SMIM7: variants seen among roughly 807,000 people sequenced by gnomAD.
SMIM7 encodes UPF0608 protein C19orf42.
SMIM7 carries 12 observed loss-of-function variants against 13.3 expected under a neutral mutation model. The ratio of observed to expected loss-of-function variants is 0.90; its 90% CI spans 0.58 to 1.46. SMIM7 has a LOEUF of 1.46. SMIM7 is among the 40% of genes most tolerant of loss of function. The pLI is 0.00. For synonymous variants in SMIM7, 36 were observed against 35.8 expected (o/e 1.01, Z -0.02); for missense variants, 114 against 94.8 (o/e 1.20, Z -0.84).
rs2086458757 is a variant in SMIM7, at chr19:16,647,122, C to T, written c.*124G>A. 9.2e-6 allele frequency: 12 copies of T among 1,304,034 alleles called. No homozygotes were observed. Among genetic ancestry groups the T allele is most frequent in the African/African-American group, 2.9e-5 (2 of 68,946 alleles). 80.8% of individuals were successfully genotyped at this position (1,304,034 alleles called of 1,614,324 possible). Reference sequence around the variant, plus strand: ...TCGGCGAACACTTTTCCACCCACCACGAGCTTGGACTTTCTGGGAAGGTTG... The same window carrying T: ...TCGGCGAACACTTTTCCACCCACCATGAGCTTGGACTTTCTGGGAAGGTTG... On this transcript the variant is annotated 3_prime_UTR_variant, in exon 5 of 5. Transcript: ENST00000487416.
downstream of SMIM7, chr19:16,640,857 C>G (rs1195152302): frequency 2.6e-5 from 4 of 152,048 alleles, no homozygotes; most frequent in Admixed American, 2.0e-4. Context: ...CGCTTGAACC[C>G]GGGAGGCGGA....
chr19:16,652,417 G>T, intron 4 of SMIM7: 1 of 423,632 alleles, frequency 2.4e-6, no homozygotes, highest in Non-Finnish European at 3.2e-6. Context: ...GCCCAGGCTG[G>T]TCTTGAACTC....
At chr19:16,649,848 CTGAG>C (rs1037755468) in intron 4 of SMIM7, among the ~76,000 whole-genome samples, 1 of 152,076 alleles carries the variant, frequency 6.6e-6, no homozygotes, top group Non-Finnish European at 1.5e-5. Context: ...AAACATGATG[CTGAG>C]TGAGAGGAGC....
chr19:16,631,600 T>C (rs2086321743), exon 5 of SMIM7: 1 of 152,086 alleles, frequency 6.6e-6, no homozygotes, highest in Non-Finnish European at 1.5e-5. Context: ...TCAAGAGCAC[T>C]GCAGAGGAAG....
At chr19:16,657,217 G>C (rs1244488016) in intron 3 of SMIM7, among the ~76,000 whole-genome samples, 1 of 152,216 alleles carries the variant, frequency 6.6e-6, no homozygotes, top group Non-Finnish European at 1.5e-5. Flanking sequence ...AGCTCCCACA[G>C]GGGAAGCAGC....
Position 16,660,111 on chromosome 19 carries a change from C to A in SMIM7, c.-1G>T. Reference sequence around the variant, plus strand: ...CGAACAGCAGGATGTCTCCGATCATCGTTACGGCCGAAGCGTCCGTCAGAA... The same window carrying A: ...CGAACAGCAGGATGTCTCCGATCATAGTTACGGCCGAAGCGTCCGTCAGAA... On this transcript the variant is annotated 5_prime_UTR_variant, in exon 1 of 5. Transcript: ENST00000487416. The A allele has an allele frequency of 6.2e-7, 1 of 1,614,166 alleles. No individual in the cohort carries two copies. Among genetic ancestry groups the A allele is most frequent in the East Asian group, 2.2e-5 (1 of 44,880 alleles).
At chr19:16,659,908 G>T in intron 2 of SMIM7, 51 bp downstream of exon 2, 1 of 1,573,162 alleles carries the variant, frequency 6.4e-7, no homozygotes, top group Non-Finnish European at 8.6e-7. Flanking sequence ...TTATGAGGGC[G>T]GGGCTACGGG....
At position 16,647,191 on chromosome 19, in the gene SMIM7, AG is replaced by A. The variant is rs552451604; in HGVS notation, c.*54del. 515 of 1,611,016 alleles carry A rather than the reference AG, an allele frequency of 3.2e-4. 11 individuals are homozygous for A. The South Asian group carries it at 5.5e-3, about 17-fold the overall frequency. ...ACATTCTTGAAGTCATCAGGAATGGAGGAATGGAGACTCGGCATCCCGGGAA... is the reference window on the plus strand; with the variant it reads ...ACATTCTTGAAGTCATCAGGAATGGAGAATGGAGACTCGGCATCCCGGGAA... On this transcript the variant is annotated 3_prime_UTR_variant, in exon 5 of 5. Coordinates refer to ENST00000487416, the MANE Select transcript of SMIM7 (RefSeq NM_024104.4).
chr19:16,632,014 C>T lies in SMIM7; in HGVS notation c.*138-290G>A, dbSNP rs571798421. ...CCTCCCGAGTAGCTGGGACTACAGG[C>T]GGGTGCCACCACACCCAGCTAATTT... On this transcript the variant is annotated intron_variant and NMD_transcript_variant, in intron 4 of 4. Transcript: ENST00000465250. Among the ~76,000 whole-genome samples the T allele has an allele frequency of 2.2e-4, 34 of 151,936 alleles. No individual in the cohort carries two copies. The East Asian group carries it at 5.6e-3, about 25-fold the overall frequency.
chr19:16,653,873 C>G, intron 4 of SMIM7, 162 bp downstream of exon 4: 1 of 642,202 alleles, frequency 1.6e-6, no homozygotes. Context: ...CCAGTTTAGG[C>G]GACAGAGCAA....
rs2086579327 is a variant in SMIM7, at chr19:16,655,092, A to G, written c.122-967T>C. ...ACCCTAATCTTGAAGGACTGGTTTG[A>G]CACCTAAACCCAGGGTGCCTGAAAA... On this transcript the variant is annotated intron_variant, in intron 3 of 4. Transcript: ENST00000487416. 9.1e-6 allele frequency: 3 copies of G among 330,538 alleles called. No individual in the cohort carries two copies. The East Asian group carries it at 2.3e-4, about 25-fold the overall frequency. The allele number at this position is 330,538 out of a possible 1,614,324, so 20.5% of individuals were successfully genotyped here.
At chr19:16,644,464 T>G (rs1244353508), downstream of SMIM7, among the ~76,000 whole-genome samples, 1 of 146,972 alleles carries the variant, frequency 6.8e-6, no homozygotes, top group Non-Finnish European at 1.5e-5. Context: ...AGACAGAAGA[T>G]CTTGCTCTGT....
chr19:16,654,216 C>A, intron 3 of SMIM7, 91 bp from the exon 4 acceptor site: 2 of 1,053,318 alleles, frequency 1.9e-6, no homozygotes, highest in East Asian at 2.4e-5. Context: ...TCCACCCACC[C>A]GGCGCTTGCT....
chr19:16,655,997 AG>A (rs1420229407), intron 3 of SMIM7, among the ~76,000 whole-genome samples: 1 of 152,234 alleles, frequency 6.6e-6, no homozygotes, highest in African/African-American at 2.4e-5. Context: ...GTCTGTTTCC[AG>A]GAAGTTTTGA....
At chr19:16,636,365 GA>G (rs1367736128) in intron 4 of SMIM7, 1 of 152,118 alleles carries the variant, frequency 6.6e-6, no homozygotes, top group African/African-American at 2.4e-5. Flanking sequence ...GAATTGTAAA[GA>G]ATAAATTTGT....
intron 4 of SMIM7, chr19:16,640,576 C>T (rs2086397314): frequency 6.6e-6 from 1 of 152,218 alleles, no homozygotes; most frequent in Non-Finnish European, 1.5e-5. Flanking sequence ...CAACATCGCA[C>T]TGCTGCTGTT....
chr19:16,644,118 GTTTTT>G (rs557600997), downstream of SMIM7, among the ~76,000 whole-genome samples: 29 of 85,432 alleles, frequency 3.4e-4, no homozygotes, highest in Admixed American at 2.0e-3. Flanking sequence ...AATTGTTTGC[GTTTTT>G]TTTTTTTTTT....
chr19:16,649,273 C>T (rs2086489005), intron 4 of SMIM7, among the ~76,000 whole-genome samples: 1 of 151,928 alleles, frequency 6.6e-6, no homozygotes, highest in Non-Finnish European at 1.5e-5. Context: ...ACCAGCCTGG[C>T]CAACGTGGTA....
chr19:16,644,118 G>GTA (rs2086425949), downstream of SMIM7, among the ~76,000 whole-genome samples: 1 of 85,430 alleles, frequency 1.2e-5, no homozygotes. Flanking sequence ...AATTGTTTGC[G>GTA]TTTTTTTTTT....
Sources: gnomAD v4.1 joint callset for allele counts (sites outside exome capture counted in the v4.1 genomes callset) on GRCh38, gnomAD v4.1.1 for gene constraint, MANE v1.5 for transcripts, NCBI Gene and HGNC (gene_info 2026-07-23, HGNC 2026-07-21) for gene names.